ZCCHC7: variants seen among roughly 807,000 people sequenced by gnomAD.
ZCCHC7 encodes the protein zinc finger CCHC-type containing 7, also known as zinc finger CCHC domain-containing protein 7.
In ZCCHC7, 35 loss-of-function variants were observed where a neutral mutation model predicts 52.0. The ratio of observed to expected loss-of-function variants is 0.67; its 90% CI spans 0.51 to 0.89. The LOEUF (loss-of-function observed/expected upper bound fraction) is 0.89. Ranked by LOEUF, ZCCHC7 falls within the 40% of genes least tolerant of loss-of-function variation. ZCCHC7 has a pLI of 0.00. For missense variants in ZCCHC7, 574 were observed against 649.1 expected (o/e 0.88, Z 1.26); for synonymous variants, 217 against 221.5 (o/e 0.98, Z 0.18).
intron 2 of ZCCHC7, among the ~76,000 whole-genome samples, chr9:37,238,706 C>T (rs1462072071): frequency 6.6e-6 from 1 of 151,962 alleles, no homozygotes; most frequent in African/African-American, 2.4e-5. Flanking sequence ...TTGATCATTT[C>T]AACTGTTTCT....
rs749999795 is a variant in ZCCHC7, at chr9:37,126,311, G to T, written c.-21-1G>T. ...TCTGTGTACAACTTTCTCTTTTGCA[G>T]CTTCAAGGTTACTGACTTTTTATGA... On this transcript the variant is annotated splice_acceptor_variant, in intron 1 of 8. Transcript: ENST00000336755. LOFTEE classifies it low-confidence loss of function (5UTR_SPLICE). The T allele has an allele frequency of 6.3e-7, 1 of 1,597,830 alleles. No individual in the cohort carries two copies. The highest frequency in any genetic ancestry group is 1.1e-5 in the South Asian group (1 of 88,420).
At chr9:37,330,138 A>G (rs1830398566) in intron 6 of ZCCHC7, among the ~76,000 whole-genome samples, 1 of 151,926 alleles carries the variant, frequency 6.6e-6, no homozygotes, top group African/African-American at 2.4e-5. Flanking sequence ...AAAAAAGTCT[A>G]TAGGTTAAAC....
At chr9:37,121,754 A>G (rs1842324481) in intron 1 of ZCCHC7, 1 of 152,208 alleles carries the variant, frequency 6.6e-6, no homozygotes, top group African/African-American at 2.4e-5. Context: ...TCTCGTAAAA[A>G]TCATATATAT....
At chr9:37,263,455 A>G (rs796135994) in intron 2 of ZCCHC7, among the ~76,000 whole-genome samples, 11 of 152,198 alleles carry the variant, frequency 7.2e-5, no homozygotes, top group African/African-American at 2.4e-4. Flanking sequence ...TTCTATTAAG[A>G]TTCCTAGAAA....
At chr9:37,299,476 A>C (rs1475426275) in intron 2 of ZCCHC7, among the ~76,000 whole-genome samples, 1 of 152,216 alleles carries the variant, frequency 6.6e-6, no homozygotes, top group East Asian at 1.9e-4. Flanking sequence ...AATTAGCGGC[A>C]CAGTTAACTC....
intron 2 of ZCCHC7, among the ~76,000 whole-genome samples, chr9:37,171,650 G>T (rs751073591): frequency 7.2e-5 from 11 of 151,748 alleles, no homozygotes; most frequent in Non-Finnish European, 1.6e-4. Context: ...TAACTCCTAG[G>T]CTCAGGCAAT....
intron 2 of ZCCHC7, among the ~76,000 whole-genome samples, chr9:37,162,647 T>A (rs1821169925): frequency 6.6e-6 from 1 of 152,216 alleles, no homozygotes; most frequent in Non-Finnish European, 1.5e-5. Context: ...ATTCCAGTTT[T>A]TAGAAATTAC....
At chr9:37,210,363 A>G (rs1181845463) in intron 2 of ZCCHC7, among the ~76,000 whole-genome samples, 3 of 152,194 alleles carry the variant, frequency 2.0e-5, no homozygotes, top group African/African-American at 7.2e-5. Flanking sequence ...AACCACATCT[A>G]TGAACATTTA....
At chr9:37,279,452 T>C (rs929593250) in intron 2 of ZCCHC7, among the ~76,000 whole-genome samples, 1 of 150,954 alleles carries the variant, frequency 6.6e-6, no homozygotes, top group Non-Finnish European at 1.5e-5. Flanking sequence ...AAACCTAAAA[T>C]GCAATAGAGA....
Position 37,305,731 on chromosome 9 carries a change from T to C in ZCCHC7, c.951+17T>C. 3.1e-6 allele frequency: 5 copies of C among 1,609,974 alleles called. No individual in the cohort carries two copies. The highest frequency in any genetic ancestry group is 4.2e-6 in the Non-Finnish European group (5 of 1,176,722). On this transcript the variant is annotated intron_variant, in intron 5 of 8. Transcript: ENST00000336755. ...TATACAGATGTGAGTATCCTGCATATAACTAATTTGTCAGGCTTTGGAGGG... is the reference window on the plus strand; with the variant it reads ...TATACAGATGTGAGTATCCTGCATACAACTAATTTGTCAGGCTTTGGAGGG...
intron 2 of ZCCHC7, among the ~76,000 whole-genome samples, chr9:37,260,425 C>T (rs1826809889): frequency 6.6e-6 from 1 of 152,188 alleles, no homozygotes. Flanking sequence ...GTTCTGTGCT[C>T]CATTGTCCCA....
chr9:37,216,909 A>G (rs997202147), intron 2 of ZCCHC7, among the ~76,000 whole-genome samples: 4 of 152,126 alleles, frequency 2.6e-5, no homozygotes, highest in African/African-American at 9.7e-5. Context: ...ATTAAGGATA[A>G]TTTCTAATAA....
chr9:37,218,069 A>G (rs1824604314), intron 2 of ZCCHC7, among the ~76,000 whole-genome samples: 1 of 152,214 alleles, frequency 6.6e-6, no homozygotes, highest in Admixed American at 6.5e-5. Flanking sequence ...CCTATGAAAA[A>G]TCGTATGGAA....
chr9:37,148,218 T>C (rs750796744), intron 2 of ZCCHC7, among the ~76,000 whole-genome samples: 2 of 152,092 alleles, frequency 1.3e-5, no homozygotes, highest in Admixed American at 6.6e-5. Flanking sequence ...CAACAATAAC[T>C]AGGGCCTTTT....
intron 2 of ZCCHC7, among the ~76,000 whole-genome samples, chr9:37,199,666 G>C (rs567611122): frequency 0.029 from 3,542 of 122,736 alleles, 144 homozygotes; most frequent in African/African-American, 0.11. Flanking sequence ...CTGTCTGTCT[G>C]TCTTTCTCTC....
At chr9:37,335,347 GAA>G (rs890307372) in intron 6 of ZCCHC7, among the ~76,000 whole-genome samples, 16 of 152,084 alleles carry the variant, frequency 1.1e-4, no homozygotes, top group Admixed American at 7.9e-4. Context: ...TCATAATAGA[GAA>G]AAGAATGCCA....
intron 6 of ZCCHC7, among the ~76,000 whole-genome samples, chr9:37,339,241 C>T (rs1005578652): frequency 6.6e-6 from 1 of 152,146 alleles, no homozygotes; most frequent in Non-Finnish European, 1.5e-5. Context: ...AAAATTCCTC[C>T]TAGTATTCCT....
intron 5 of ZCCHC7, among the ~76,000 whole-genome samples, chr9:37,306,811 A>G (rs1395784380): frequency 3.9e-5 from 2 of 50,854 alleles, no homozygotes; most frequent in Non-Finnish European, 7.3e-5. Flanking sequence ...TTTTGGAGAC[A>G]GGGTCTCGCT....
At position 37,123,193 on chromosome 9, in the gene ZCCHC7, GT is replaced by G. The variant is rs1564126056; in HGVS notation, c.-22+2571del. On this transcript the variant is annotated intron_variant, in intron 1 of 8. Coordinates refer to ENST00000336755, the MANE Select transcript of ZCCHC7 (RefSeq NM_032226.3). The stretch of plus-strand genomic sequence containing the variant: ...TGAGAAAGCCTTCTGAGTCAAGGGT[GT>G]GTGTGTGTGTGTGTGTGTGTGTGTG... 4.9e-3 allele frequency among the ~76,000 whole-genome samples: 9 copies of G among 1,828 alleles called. No individual in the cohort carries two copies. The South Asian group carries it at 0.054, about 11-fold the overall frequency. 1.2% of individuals were successfully genotyped at this position (1,828 alleles called of 152,430 possible).
Sources: gnomAD v4.1 joint callset for allele counts (sites outside exome capture counted in the v4.1 genomes callset) on GRCh38, gnomAD v4.1.1 for gene constraint, MANE v1.5 for transcripts, NCBI Gene and HGNC (gene_info 2026-07-23, HGNC 2026-07-21) for gene names.